Variants in CHRNA1 observed in about 807,000 individuals in gnomAD.
The protein encoded by CHRNA1 is acetylcholine receptor subunit alpha.
In CHRNA1, 35 loss-of-function variants were observed where a neutral mutation model predicts 47.1. The observed-to-expected ratio is 0.74, with a 90% CI of 0.57 to 0.99. The LOEUF is 0.99. CHRNA1 is among the 50% of genes least tolerant of loss of function. The pLI is 0.00. For missense variants in CHRNA1, 506 were observed against 591.1 expected (o/e 0.86, Z 1.49); for synonymous variants, 229 against 223.6 (o/e 1.02, Z -0.22).
Position 174,747,814 on chromosome 2 carries a change from G to A in CHRNA1, c.*310C>T, listed in dbSNP as rs1453724345. The A allele has an allele frequency of 1.9e-5, 7 of 359,922 alleles. No individual in the cohort carries two copies. The highest frequency in any genetic ancestry group is 3.2e-5 in the Non-Finnish European group (6 of 187,344). The allele number at this position is 359,922 out of a possible 1,614,324, so 22.3% of individuals were successfully genotyped here. A position where few individuals can be genotyped will look rare whatever the true frequency, so the allele number is the denominator to read the frequency against. ...ATATAAATATAACAGCAATGACAAT[G>A]CAACAGAAAACCTCGGTTATCCTGG... On this transcript the variant is annotated 3_prime_UTR_variant, in exon 9 of 9. Coordinates refer to ENST00000348749, the MANE Select transcript of CHRNA1 (RefSeq NM_000079.4).
intron 1 of CHRNA1, among the ~76,000 whole-genome samples, chr2:174,762,358 G>A (rs1684116965): frequency 1.3e-5 from 2 of 152,180 alleles, no homozygotes; most frequent in African/African-American, 4.8e-5. Context: ...TTGTAAAAAG[G>A]TAGGGTGTAA....
At chr2:174,750,243 C>T in intron 6 of CHRNA1, 74 bp from the exon 7 acceptor site, 1 of 1,142,468 alleles carries the variant, frequency 8.8e-7, no homozygotes, top group Non-Finnish European at 1.3e-6. Context: ...TCCTCCCACC[C>T]CACCATTTAT....
At chr2:174,748,339 C>T (rs1683776480) in intron 8 of CHRNA1, 84 bp from the exon 9 acceptor site, 2 of 1,573,606 alleles carry the variant, frequency 1.3e-6, no homozygotes, top group Middle Eastern at 2.1e-4. Flanking sequence ...CAACTATGGG[C>T]CCTTCAATTT....
At chr2:174,760,739 T>A (rs1017479202) in intron 1 of CHRNA1, among the ~76,000 whole-genome samples, 30 of 152,226 alleles carry the variant, frequency 2.0e-4, no homozygotes, top group South Asian at 1.0e-3. Flanking sequence ...CACGATTTTT[T>A]AAAATATCAC....
At chr2:174,751,484 G>A (rs191875539) in intron 6 of CHRNA1, among the ~76,000 whole-genome samples, 4 of 152,206 alleles carry the variant, frequency 2.6e-5, no homozygotes, top group Admixed American at 2.0e-4. Context: ...AAACAAACAA[G>A]AAATTGTCAA....
At chr2:174,752,559 G>T (rs962233613) in intron 6 of CHRNA1, among the ~76,000 whole-genome samples, 8 of 152,166 alleles carry the variant, frequency 5.3e-5, no homozygotes, top group African/African-American at 1.7e-4. Flanking sequence ...AACAGAGTGA[G>T]ACCCGGTCTC....
intron 6 of CHRNA1, 117 bp from the exon 7 acceptor site, chr2:174,750,286 T>G (rs1389568445): frequency 1.3e-6 from 1 of 772,154 alleles, no homozygotes; most frequent in Non-Finnish European, 2.2e-6. Flanking sequence ...GACCTAAGAA[T>G]GTGACTGTAT....
At position 174,749,112 on chromosome 2, in the gene CHRNA1, G is replaced by T. The variant is rs373782130; in HGVS notation, c.1003-293C>A. On this transcript the variant is annotated intron_variant, in intron 7 of 8. Transcript: ENST00000348749. ...TGGGGCCACCAATGAGCTTAAAAGC[G>T]TCAGGATCCCCTACAGGTATGGAAA... Among the ~76,000 whole-genome samples the T allele has an allele frequency of 2.5e-4, 38 of 152,290 alleles. 2 individuals carry two copies. Among genetic ancestry groups the T allele is most frequent in the African/African-American group, 7.7e-4 (32 of 41,562 alleles).
In CHRNA1 at chr2:174,754,386, A is replaced by T; in HGVS notation, c.373T>A (p.Phe125Ile). The T allele has an allele frequency of 6.2e-7, 1 of 1,614,150 alleles. No homozygotes were observed. Among genetic ancestry groups the T allele is most frequent in the Non-Finnish European group, 8.5e-7 (1 of 1,180,034 alleles). Reference sequence around the variant, plus strand: ...GTGTACTGCAGGAGCACTTTGGTGAACTTGACAATAGCAAAGTCACCATCT... The same window carrying T: ...GTGTACTGCAGGAGCACTTTGGTGATCTTGACAATAGCAAAGTCACCATCT... Reference protein sequence around the residue: ...NADGDFAIVKFTKVLLQYTGH... With the variant: ...NADGDFAIVKITKVLLQYTGH... Residue 125 changes from phenylalanine to isoleucine, a missense_variant, in exon 5 of 9, where the codon TTC becomes ATC. Physicochemically the swap from Phe to Ile is conservative, Grantham distance 21. Coordinates refer to ENST00000348749, the MANE Select transcript of CHRNA1 (RefSeq NM_000079.4).
chr2:174,747,633 G>T lies in CHRNA1; in HGVS notation c.*491C>A. Reference sequence around the variant, plus strand: ...CATTTTAGTTTATTTCATTTCTACTGCTTCCTCTCTCTCCAAATCAAATGC... The same window carrying T: ...CATTTTAGTTTATTTCATTTCTACTTCTTCCTCTCTCTCCAAATCAAATGC... On this transcript the variant is annotated 3_prime_UTR_variant, in exon 9 of 9. Coordinates refer to ENST00000348749, the MANE Select transcript of CHRNA1 (RefSeq NM_000079.4). 1 of 167,216 alleles carries T rather than the reference G, an allele frequency of 6.0e-6. No homozygotes were observed. Among genetic ancestry groups the T allele is most frequent in the South Asian group, 1.5e-4 (1 of 6,708 alleles). 10.4% of individuals were successfully genotyped at this position (167,216 alleles called of 1,614,324 possible). A position where few individuals can be genotyped will look rare whatever the true frequency, so the allele number is the denominator to read the frequency against.
rs367925483 is a variant in CHRNA1, at chr2:174,748,084, G to C, written c.*40C>G. On this transcript the variant is annotated 3_prime_UTR_variant, in exon 9 of 9. Transcript: ENST00000348749. ...TCCTCTCCTGCCCTTCTCTGCTCTG[G>C]TAGGTTCCAGGGCAGAGCTAAGCTC... The C allele has an allele frequency of 3.1e-6, 5 of 1,612,962 alleles. No homozygotes were observed. The African/African-American group carries it at 5.3e-5, about 17-fold the overall frequency.
At chr2:174,754,187 A>AACC in intron 5 of CHRNA1, 32 bp downstream of exon 5, 1 of 1,609,584 alleles carries the variant, frequency 6.2e-7, no homozygotes, top group Non-Finnish European at 8.5e-7. Flanking sequence ...ATTTTCCTGA[A>AACC]ACCACCCTTA....
intron 1 of CHRNA1, among the ~76,000 whole-genome samples, chr2:174,762,538 C>A (rs977684111): frequency 1.3e-5 from 2 of 152,180 alleles, no homozygotes; most frequent in African/African-American, 4.8e-5. Flanking sequence ...ATATTCAAAA[C>A]TGAATCCTTC....
At chr2:174,751,036 A>G (rs1402928286) in intron 6 of CHRNA1, among the ~76,000 whole-genome samples, 1 of 152,252 alleles carries the variant, frequency 6.6e-6, no homozygotes, top group Non-Finnish European at 1.5e-5. Context: ...CGGAAGGCTA[A>G]GGAGTTCTCC....
rs535205090 is a variant in CHRNA1, at chr2:174,760,478, A to T, written c.44-845T>A. Among the ~76,000 whole-genome samples the T allele has an allele frequency of 1.2e-4, 18 of 152,374 alleles. No homozygotes were observed. The South Asian group carries it at 3.7e-3, about 32-fold the overall frequency. ...AATGGGGCAAATATTGTATGATTTC[A>T]TCTACATGAAGCATCCAGAATAGGT... On this transcript the variant is annotated intron_variant, in intron 1 of 8. Transcript: ENST00000348749.
rs886055146 is a variant in CHRNA1 at position 174,747,710 on chromosome 2, A to T, written c.*414T>A. 1.2e-5 allele frequency: 3 copies of T among 252,452 alleles called. No individual in the cohort carries two copies. The highest frequency in any genetic ancestry group is 2.3e-5 in the Non-Finnish European group (3 of 127,662). 15.6% of individuals were successfully genotyped at this position (252,452 alleles called of 1,614,324 possible). ...GGTTTTCTTAGTAGGTACAAAACTG[A>T]CTCTTAAGCAAAGAATACACTTCAT... On this transcript the variant is annotated 3_prime_UTR_variant, in exon 9 of 9. Transcript: ENST00000348749.
At position 174,752,092 on chromosome 2, in the gene CHRNA1, G is replaced by A. The variant is rs536507050; in HGVS notation, c.778+1411C>T. 5.3e-5 allele frequency among the ~76,000 whole-genome samples: 8 copies of A among 152,104 alleles called. No individual in the cohort carries two copies. In the East Asian group the frequency reaches 1.5e-3, roughly 29 times the overall value. ...AAAGTTTCATTTGAGGGCCTGGTGC[G>A]GTGGATCATGCCTGTAATCCTAACA... On this transcript the variant is annotated intron_variant, in intron 6 of 8. Transcript: ENST00000348749.
chr2:174,750,242 C>G, intron 6 of CHRNA1, 73 bp from the exon 7 acceptor site: 1 of 1,154,520 alleles, frequency 8.7e-7, no homozygotes, highest in Non-Finnish European at 1.3e-6. Context: ...TTCCTCCCAC[C>G]CCACCATTTA....
intron 7 of CHRNA1, 118 bp from the exon 8 acceptor site, chr2:174,748,937 C>A: frequency 7.6e-7 from 1 of 1,314,930 alleles, no homozygotes; most frequent in Non-Finnish European, 1.0e-6. Flanking sequence ...TGGGCTTCAG[C>A]CTCCTTGTCC....
Sources: allele counts gnomAD v4.1 joint callset (sites outside exome capture counted in the v4.1 genomes callset), GRCh38; gene constraint gnomAD v4.1.1; transcripts MANE v1.5; gene names NCBI Gene and HGNC (gene_info 2026-07-23, HGNC 2026-07-21).